Variants in B3GALT1 observed in about 807,000 individuals in gnomAD.
B3GALT1 encodes the protein UDP-Gal:betaGlcNAc beta 1,3-galactosyltransferase, polypeptide 1.
A neutral mutation model predicts 23.2 loss-of-function variants in B3GALT1; 10 were observed. The ratio of observed to expected loss-of-function variants is 0.43; its 90% CI spans 0.27 to 0.73. B3GALT1 has a LOEUF of 0.73. Ranked by LOEUF, B3GALT1 falls within the 30% of genes least tolerant of loss-of-function variation. The pLI, the probability that B3GALT1 is intolerant of heterozygous loss-of-function variation, is 0.21. For missense variants in B3GALT1, 299 were observed against 405.4 expected, an observed-to-expected ratio of 0.74 and a Z score of 2.25; for synonymous variants, 156 against 141.5, an observed-to-expected ratio of 1.10 and a Z score of -0.73.
chr2:167,331,060 A>G (rs1029560174), intron 1 of B3GALT1, among the ~76,000 whole-genome samples: 1 of 152,056 alleles, frequency 6.6e-6, no homozygotes, highest in Admixed American at 6.5e-5. Flanking sequence ...AATTCTGGAT[A>G]CATACAGTAG....
chr2:167,452,481 G>T (rs190267030), intron 1 of B3GALT1, among the ~76,000 whole-genome samples: 368 of 152,300 alleles, frequency 2.4e-3, no homozygotes, highest in Non-Finnish European at 4.4e-3. Context: ...TCCCCAGTGA[G>T]GGTGTGTGTA....
At position 167,758,724 on chromosome 2, in the gene B3GALT1, G is replaced by C. The variant is rs111795825; in HGVS notation, c.-351-59948G>C. ...ACTTCTCTGTGTGTGCCTCATATTTGAACTCTCAGGGAGCAGATTGATTTG... is the reference window on the plus strand; with the variant it reads ...ACTTCTCTGTGTGTGCCTCATATTTCAACTCTCAGGGAGCAGATTGATTTG... On this transcript the variant is annotated intron_variant, in intron 3 of 4. Transcript: ENST00000392690. Among the ~76,000 whole-genome samples, 1,436 of 151,932 alleles carry C rather than the reference G, an allele frequency of 9.5e-3. 20 individuals are homozygous for C. The highest frequency in any genetic ancestry group is 0.012 in the Non-Finnish European group (838 of 67,968).
chr2:167,459,882 G>GTGTTTT (rs970301309), intron 1 of B3GALT1, among the ~76,000 whole-genome samples: 11 of 152,158 alleles, frequency 7.2e-5, no homozygotes, highest in African/African-American at 1.2e-4. Context: ...GGTTGACAGG[G>GTGTTTT]TGTTTTTGTT....
At chr2:167,826,223 C>G in intron 4 of B3GALT1, among the ~76,000 whole-genome samples, 1 of 152,286 alleles carries the variant, frequency 6.6e-6, no homozygotes, top group Admixed American at 6.5e-5. Flanking sequence ...GTCTTGCGCT[C>G]AGTCCTCTCT....
chr2:167,415,824 C>T (rs1219272538), intron 1 of B3GALT1, among the ~76,000 whole-genome samples: 1 of 152,046 alleles, frequency 6.6e-6, no homozygotes, highest in Non-Finnish European at 1.5e-5. Context: ...GTGTCTGTGC[C>T]TTAGTTAGGG....
chr2:167,539,633 T>A (rs7581400), intron 2 of B3GALT1, among the ~76,000 whole-genome samples: 2 of 152,094 alleles, frequency 1.3e-5, no homozygotes, highest in Non-Finnish European at 2.9e-5. Flanking sequence ...AATTGAATTA[T>A]AGTAAAATCA....
intron 2 of B3GALT1, among the ~76,000 whole-genome samples, chr2:167,608,600 G>A (rs770113502): frequency 6.6e-6 from 1 of 152,020 alleles, no homozygotes; most frequent in African/African-American, 2.4e-5. Flanking sequence ...GAATTTACTA[G>A]GATTTTCCTG....
chr2:167,755,898 C>T (rs1196479792), intron 3 of B3GALT1, among the ~76,000 whole-genome samples: 1 of 151,922 alleles, frequency 6.6e-6, no homozygotes, highest in Non-Finnish European at 1.5e-5. Flanking sequence ...TCATTAGAGG[C>T]CAGGAGTTTG....
At chr2:167,697,933 T>C (rs1558952021) in intron 3 of B3GALT1, among the ~76,000 whole-genome samples, 1 of 152,234 alleles carries the variant, frequency 6.6e-6, no homozygotes, top group Non-Finnish European at 1.5e-5. Context: ...AACACTTAAG[T>C]TGTGCAATTT....
chr2:167,335,141 T>C (rs1413935554), intron 1 of B3GALT1, among the ~76,000 whole-genome samples: 1 of 152,154 alleles, frequency 6.6e-6, no homozygotes. Flanking sequence ...AATATCCCTC[T>C]TTCTGTCTTA....
chr2:167,531,144 T>G (rs114569219), intron 2 of B3GALT1, among the ~76,000 whole-genome samples: 61 of 152,302 alleles, frequency 4.0e-4, no homozygotes, highest in African/African-American at 1.3e-3. Context: ...AATGGGAACT[T>G]TAAAATATTA....
intron 3 of B3GALT1, chr2:167,715,223 A>G: frequency 1.2e-6 from 2 of 1,613,998 alleles, no homozygotes; most frequent in Non-Finnish European, 1.7e-6. Context: ...GTCTTCTTCA[A>G]GCACAGCAGC....
intron 2 of B3GALT1, among the ~76,000 whole-genome samples, chr2:167,520,120 T>C (rs1700166239): frequency 6.6e-6 from 1 of 152,090 alleles, no homozygotes; most frequent in South Asian, 2.1e-4. Context: ...TTTGAAAAGT[T>C]CATGTTAAAT....
intron 2 of B3GALT1, among the ~76,000 whole-genome samples, chr2:167,565,556 C>G: frequency 6.6e-6 from 1 of 152,172 alleles, no homozygotes; most frequent in Admixed American, 6.5e-5. Context: ...AAACTACCAT[C>G]AGAGTGAACA....
chr2:167,715,822 C>T (rs1234274727), intron 3 of B3GALT1: 1 of 1,613,748 alleles, frequency 6.2e-7, no homozygotes, highest in Non-Finnish European at 8.5e-7. Context: ...GTCCAGAAAG[C>T]ATTTCACCAA....
chr2:167,586,386 G>A (rs1684585619), intron 2 of B3GALT1, among the ~76,000 whole-genome samples: 1 of 152,014 alleles, frequency 6.6e-6, no homozygotes, highest in Admixed American at 6.6e-5. Flanking sequence ...TGCAACCTCC[G>A]CCTCCAGGGT....
intron 1 of B3GALT1, among the ~76,000 whole-genome samples, chr2:167,370,516 G>C (rs1041191808): frequency 7.2e-5 from 11 of 152,184 alleles, no homozygotes; most frequent in Non-Finnish European, 1.6e-4. Flanking sequence ...CCCCATTTTG[G>C]TGACTCTGAG....
At chr2:167,659,980 G>A (rs185707572) in intron 3 of B3GALT1, among the ~76,000 whole-genome samples, 289 of 152,042 alleles carry the variant, frequency 1.9e-3, no homozygotes, top group South Asian at 3.9e-3. Context: ...TCTGTTTGTC[G>A]TGATCTGCAT....
At chr2:167,782,823 G>A (rs1213410838) in intron 3 of B3GALT1, among the ~76,000 whole-genome samples, 1 of 152,088 alleles carries the variant, frequency 6.6e-6, no homozygotes, top group Non-Finnish European at 1.5e-5. Flanking sequence ...CTCTACCAAA[G>A]TCCCCTTGAA....
Sources: gnomAD v4.1 joint callset for allele counts (sites outside exome capture counted in the v4.1 genomes callset) on GRCh38, gnomAD v4.1.1 for gene constraint, MANE v1.5 for transcripts, NCBI Gene and HGNC (gene_info 2026-07-23, HGNC 2026-07-21) for gene names.